Variants in SUGCT observed in about 807,000 individuals in gnomAD.
SUGCT encodes succinyl-CoA:glutarate-CoA transferase.
SUGCT carries 41 observed loss-of-function variants against 55.0 expected under a neutral mutation model. The ratio of observed to expected loss-of-function variants is 0.74; its 90% CI spans 0.58 to 0.97. The LOEUF (loss-of-function observed/expected upper bound fraction) is 0.97, where lower values mean the gene tolerates loss of function less well. Among genes scored for constraint, SUGCT ranks in the 50% least tolerant of loss-of-function variants. The pLI is 0.00. For missense variants in SUGCT, 568 were observed against 547.8 expected (o/e 1.04, Z -0.37); for synonymous variants, 187 against 200.4 (o/e 0.93, Z 0.56).
intron 9 of SUGCT, among the ~76,000 whole-genome samples, chr7:40,379,801 C>G (rs1310503908): frequency 6.6e-6 from 1 of 152,192 alleles, no homozygotes; most frequent in Admixed American, 6.5e-5. Flanking sequence ...AGGCCCTTCT[C>G]AAGTTATTCC....
chr7:40,641,371 A>T (rs540928712), intron 12 of SUGCT, among the ~76,000 whole-genome samples: 1 of 152,144 alleles, frequency 6.6e-6, no homozygotes, highest in Non-Finnish European at 1.5e-5. Flanking sequence ...CAGTGGGTTA[A>T]TGAAGTTTGC....
At chr7:40,498,445 T>G (rs1792103007) in intron 12 of SUGCT, among the ~76,000 whole-genome samples, 1 of 152,182 alleles carries the variant, frequency 6.6e-6, no homozygotes, top group Admixed American at 6.5e-5. Context: ...AATAATCAAG[T>G]TGCTCCTCTG....
the SUGCT span, among the ~76,000 whole-genome samples, chr7:40,898,092 ACACT>A: frequency 6.6e-6 from 1 of 152,086 alleles, no homozygotes; most frequent in Admixed American, 6.5e-5. Context: ...ATGAGCTGTA[ACACT>A]CACCCAGAAG....
chr7:40,387,360 A>T (rs1441669128), intron 9 of SUGCT, among the ~76,000 whole-genome samples: 1 of 152,136 alleles, frequency 6.6e-6, no homozygotes, highest in Non-Finnish European at 1.5e-5. Context: ...TACATGGCCC[A>T]CATGTAAGAC....
chr7:40,865,729 G>A (rs1794565698), downstream of SUGCT, among the ~76,000 whole-genome samples: 1 of 152,128 alleles, frequency 6.6e-6, no homozygotes, highest in Admixed American at 6.5e-5. Flanking sequence ...CTGGGTCTTG[G>A]ACTTTGCTTC....
intron 13 of SUGCT, among the ~76,000 whole-genome samples, chr7:40,762,563 G>A (rs1036996683): frequency 2.0e-5 from 3 of 152,146 alleles, no homozygotes; most frequent in Non-Finnish European, 2.9e-5. Context: ...ATGATACGGA[G>A]AAATCAGTTG....
chr7:40,962,488 T>A, the SUGCT span, among the ~76,000 whole-genome samples: 1 of 151,344 alleles, frequency 6.6e-6, no homozygotes, highest in African/African-American at 2.4e-5. Flanking sequence ...TCCTTCAGAT[T>A]GCATAATATT....
the SUGCT span, among the ~76,000 whole-genome samples, chr7:40,977,006 C>G: frequency 2.0e-5 from 3 of 152,156 alleles, no homozygotes; most frequent in Non-Finnish European, 4.4e-5. Flanking sequence ...AAGGCCTTCC[C>G]CTACCCTGCA....
At chr7:40,865,384 T>G (rs953554450), downstream of SUGCT, among the ~76,000 whole-genome samples, 3 of 152,166 alleles carry the variant, frequency 2.0e-5, no homozygotes, top group Non-Finnish European at 2.9e-5. Flanking sequence ...GGGGTGGCTC[T>G]TTAATAACTA....
intron 12 of SUGCT, among the ~76,000 whole-genome samples, chr7:40,509,164 A>G (rs1283789110): frequency 6.6e-6 from 1 of 152,230 alleles, no homozygotes. Context: ...GTAGATTGCC[A>G]GAAATTATTC....
intron 9 of SUGCT, among the ~76,000 whole-genome samples, chr7:40,424,998 T>C (rs1288051990): frequency 6.6e-6 from 1 of 152,160 alleles, no homozygotes; most frequent in Non-Finnish European, 1.5e-5. Context: ...CCCATGTCTT[T>C]ATAAAATAGC....
intron 13 of SUGCT, among the ~76,000 whole-genome samples, chr7:40,807,972 C>T (rs554052018): frequency 7.2e-4 from 110 of 152,248 alleles, no homozygotes; most frequent in Middle Eastern, 3.4e-3. Flanking sequence ...GTGTGTCTAC[C>T]CAGATTGAGG....
chr7:40,715,546 C>A (rs527517624), intron 12 of SUGCT, among the ~76,000 whole-genome samples: 1 of 152,152 alleles, frequency 6.6e-6, no homozygotes, highest in East Asian at 1.9e-4. Flanking sequence ...ACCTTTGCCC[C>A]CCCTCATGTG....
chr7:41,030,568 T>A, the SUGCT span, among the ~76,000 whole-genome samples: 1 of 152,242 alleles, frequency 6.6e-6, no homozygotes, highest in Non-Finnish European at 1.5e-5. Flanking sequence ...ATTTTCCTGC[T>A]GAGAAATTTT....
intron 12 of SUGCT, among the ~76,000 whole-genome samples, chr7:40,520,379 G>A (rs1793466715): frequency 6.6e-6 from 1 of 152,082 alleles, no homozygotes; most frequent in East Asian, 1.9e-4. Context: ...CTGGCTTTTA[G>A]TACTGTAATC....
chr7:40,424,068 A>G (rs1562767131), intron 9 of SUGCT, among the ~76,000 whole-genome samples: 1 of 152,110 alleles, frequency 6.6e-6, no homozygotes, highest in Non-Finnish European at 1.5e-5. Flanking sequence ...TCCCCTGTAA[A>G]TTATTTTTTG....
chr7:40,255,306 A>C (rs767627974), intron 7 of SUGCT, among the ~76,000 whole-genome samples: 1 of 151,782 alleles, frequency 6.6e-6, no homozygotes, highest in Non-Finnish European at 1.5e-5. Flanking sequence ...AGAAAAGAAC[A>C]CTGGTAGAAG....
At chr7:40,222,885 C>T (rs1788093538) in intron 6 of SUGCT, among the ~76,000 whole-genome samples, 1 of 152,136 alleles carries the variant, frequency 6.6e-6, no homozygotes, top group East Asian at 1.9e-4. Context: ...GCCTAAGCCT[C>T]CCTAAGTGCT....
chr7:40,860,285 C>G, intron 13 of SUGCT, 31 bp from the exon 14 acceptor site: 1 of 1,613,710 alleles, frequency 6.2e-7, no homozygotes, highest in Non-Finnish European at 8.5e-7. Flanking sequence ...TAGTCATTAA[C>G]AGGCTTCCTG....
Sources: gnomAD v4.1 joint callset for allele counts (sites outside exome capture counted in the v4.1 genomes callset) on GRCh38, gnomAD v4.1.1 for gene constraint, MANE v1.5 for transcripts, NCBI Gene and HGNC (gene_info 2026-07-23, HGNC 2026-07-21) for gene names.